The following FARSB variants were observed in gnomAD, a reference collection of about 807,000 sequenced individuals.
FARSB encodes the protein phenylalanyl-tRNA synthetase subunit beta, also known as phenylalanine--tRNA ligase beta subunit.
Under a neutral mutation model 69.6 loss-of-function variants are expected in FARSB, and 40 were observed. The observed-to-expected ratio is 0.57, with a 90% CI of 0.45 to 0.75. The LOEUF (loss-of-function observed/expected upper bound fraction) is 0.75, where lower values mean the gene tolerates loss of function less well. Among genes scored for constraint, FARSB ranks in the 30% least tolerant of loss-of-function variants. FARSB has a pLI of 0.00. For synonymous variants in FARSB, 235 were observed against 247.2 expected (o/e 0.95, Z 0.46); for missense variants, 632 against 722.9 (o/e 0.87, Z 1.44).
Position 222,571,804 on chromosome 2 carries a change from G to T in FARSB, c.*67C>A. ...CAAATAGATGTTCCCTGTGGAGGAG[G>T]ACTTAAGGACACTAGGGGAGGAGAA... On this transcript the variant is annotated 3_prime_UTR_variant, in exon 17 of 17. Coordinates refer to ENST00000281828, the MANE Select transcript of FARSB (RefSeq NM_005687.5). 7.5e-7 allele frequency: 1 copy of T among 1,341,436 alleles called. No individual in the cohort carries two copies. The highest frequency in any genetic ancestry group is 1.0e-6 in the Non-Finnish European group (1 of 962,762). The allele number at this position is 1,341,436 out of a possible 1,614,324, so 83.1% of individuals were successfully genotyped here. A position where few individuals can be genotyped will look rare whatever the true frequency, so the allele number is the denominator to read the frequency against.
In FARSB at chr2:222,603,801, A is replaced by G. The variant is rs142614836; in HGVS notation, c.1463-3718T>C. 9.3e-3 allele frequency among the ~76,000 whole-genome samples: 1,405 copies of G among 150,848 alleles called. 18 individuals are homozygous for G. The highest frequency in any genetic ancestry group is 0.028 in the African/African-American group (1,154 of 41,212). ...TCAAAACCAGGATTTGACCAGAATT[A>G]ACTGACTGTAAAACCCATGCTCTTT... is the stretch of plus-strand genomic sequence containing the variant. On this transcript the variant is annotated intron_variant, in intron 15 of 16. Transcript: ENST00000281828.
In FARSB at chr2:222,601,349, G is replaced by A. The variant is rs532183879; in HGVS notation, c.1463-1266C>T. Among the ~76,000 whole-genome samples the A allele has an allele frequency of 3.9e-5, 6 of 151,940 alleles. No individual in the cohort carries two copies. The South Asian group carries it at 1.0e-3, about 26-fold the overall frequency. On this transcript the variant is annotated intron_variant, in intron 15 of 16. Transcript: ENST00000281828. ...AACAGCTCATGCCTGTAATCCCAGC[G>A]CTTTGGAAGGCCAAGGCAAGAGTTT...
At position 222,569,245 on chromosome 2, in the gene FARSB, T is replaced by A. The variant is rs544577912; in HGVS notation, c.*2626A>T. 2 of 152,236 alleles carry A rather than the reference T, an allele frequency of 1.3e-5. No individual in the cohort carries two copies. The highest frequency in any genetic ancestry group is 4.8e-5 in the African/African-American group (2 of 41,538). The allele number at this position is 152,236 out of a possible 1,614,324, so 9.4% of individuals were successfully genotyped here. ...GGATATACAATTAGGCATTAGTGGG[T>A]TTTTCATTACAAGTAATTTTGGCCA... On this transcript the variant is annotated 3_prime_UTR_variant, in exon 17 of 17. Transcript: ENST00000281828.
At chr2:222,585,358 C>A (rs536866730) in intron 16 of FARSB, among the ~76,000 whole-genome samples, 2 of 152,340 alleles carry the variant, frequency 1.3e-5, no homozygotes, top group East Asian at 3.9e-4. Context: ...ACCAAAACCT[C>A]ATCTGTAGGT....
At chr2:222,636,684 T>C (rs766298127) in intron 5 of FARSB, among the ~76,000 whole-genome samples, 10 of 152,228 alleles carry the variant, frequency 6.6e-5, no homozygotes, top group African/African-American at 2.4e-4. Context: ...CTTGCTATAA[T>C]AGAGCAGCAA....
intron 16 of FARSB, among the ~76,000 whole-genome samples, chr2:222,590,905 T>TA (rs1443134059): frequency 6.6e-6 from 1 of 152,112 alleles, no homozygotes; most frequent in Non-Finnish European, 1.5e-5. Context: ...TAACAAAGTT[T>TA]AAAAAAATTA....
intron 1 of FARSB, among the ~76,000 whole-genome samples, chr2:222,652,171 T>C (rs187378913): frequency 4.3e-4 from 65 of 152,260 alleles, no homozygotes; most frequent in African/African-American, 1.2e-3. Flanking sequence ...CTGAAGGAAC[T>C]ACACCCAAGG....
chr2:222,614,928 A>G (rs1690957238), intron 14 of FARSB, among the ~76,000 whole-genome samples: 1 of 152,234 alleles, frequency 6.6e-6, no homozygotes, highest in Non-Finnish European at 1.5e-5. Flanking sequence ...AAATATCACA[A>G]TGAGGAAAAC....
chr2:222,611,440 TG>T (rs535740624), intron 15 of FARSB, among the ~76,000 whole-genome samples: 1 of 15,074 alleles, frequency 6.6e-5, no homozygotes, highest in Admixed American at 8.3e-4. Flanking sequence ...TTCTTCTTTT[TG>T]GGGGGGCGGG....
chr2:222,642,203 G>A (rs1691739662), intron 3 of FARSB, among the ~76,000 whole-genome samples: 1 of 152,162 alleles, frequency 6.6e-6, no homozygotes. Context: ...GTTTCACCAT[G>A]TTGGCCAGGC....
chr2:222,622,755 C>A (rs958104157), intron 13 of FARSB, among the ~76,000 whole-genome samples: 1 of 152,142 alleles, frequency 6.6e-6, no homozygotes, highest in Non-Finnish European at 1.5e-5. Context: ...TGGAACACAG[C>A]AGTTCTCCTG....
intron 16 of FARSB, among the ~76,000 whole-genome samples, chr2:222,593,800 G>A (rs999442537): frequency 9.2e-5 from 14 of 152,074 alleles, no homozygotes; most frequent in East Asian, 3.9e-4. Context: ...GAGCCTGGGA[G>A]GTCAAGTGGT....
intron 6 of FARSB, 68 bp downstream of exon 6, chr2:222,634,323 C>G (rs1235091022): frequency 2.6e-6 from 3 of 1,155,370 alleles, no homozygotes; most frequent in Non-Finnish European, 3.6e-6. Context: ...TCCCTAGTTG[C>G]AAGGCTTGAC....
intron 7 of FARSB, among the ~76,000 whole-genome samples, chr2:222,631,918 C>T (rs971994925): frequency 1.3e-5 from 2 of 152,086 alleles, no homozygotes; most frequent in Non-Finnish European, 2.9e-5. Flanking sequence ...ACTAAAAATA[C>T]AAAATTAGCC....
chr2:222,610,584 T>C (rs1690823183), intron 15 of FARSB, among the ~76,000 whole-genome samples: 4 of 152,138 alleles, frequency 2.6e-5, no homozygotes, highest in Admixed American at 2.0e-4. Context: ...TGGCCCCAAG[T>C]GCCTCAGCAA....
intron 16 of FARSB, among the ~76,000 whole-genome samples, chr2:222,572,826 A>G (rs1419573413): frequency 6.6e-6 from 1 of 152,218 alleles, no homozygotes; most frequent in Non-Finnish European, 1.5e-5. Flanking sequence ...GGCCCACTCC[A>G]TATTCATGAA....
intron 16 of FARSB, among the ~76,000 whole-genome samples, chr2:222,582,254 A>AG (rs1174283916): frequency 2.6e-5 from 4 of 152,344 alleles, no homozygotes; most frequent in African/African-American, 9.6e-5. Context: ...GAAAGGAGGA[A>AG]GATCTCTATA....
At chr2:222,594,475 G>A (rs915113024) in intron 16 of FARSB, among the ~76,000 whole-genome samples, 20 of 151,894 alleles carry the variant, frequency 1.3e-4, no homozygotes, top group Admixed American at 5.3e-4. Flanking sequence ...ACCCTGCATC[G>A]AAATTTTTAA....
chr2:222,610,864 G>A (rs912499500), intron 15 of FARSB, among the ~76,000 whole-genome samples: 8 of 152,242 alleles, frequency 5.3e-5, no homozygotes, highest in African/African-American at 1.4e-4. Flanking sequence ...CAAATTGTCC[G>A]AATTTAAGCA....
Sources: allele counts gnomAD v4.1 joint callset (sites outside exome capture counted in the v4.1 genomes callset), GRCh38; gene constraint gnomAD v4.1.1; transcripts MANE v1.5; gene names NCBI Gene and HGNC (gene_info 2026-07-23, HGNC 2026-07-21).